TEAD1: variants seen among roughly 807,000 people sequenced by gnomAD.
TEAD1 encodes the protein transcriptional enhancer factor TEF-1.
TEAD1 carries 9 observed loss-of-function variants against 54.9 expected under a neutral mutation model. The observed-to-expected ratio is 0.16, with a 90% CI of 0.10 to 0.29. The LOEUF (loss-of-function observed/expected upper bound fraction) is 0.29, where lower values mean the gene tolerates loss of function less well. Among genes scored for constraint, TEAD1 ranks in the 10% least tolerant of loss-of-function variants. TEAD1 has a pLI of 1.00. For missense variants in TEAD1, 387 were observed against 535.9 expected, an observed-to-expected ratio of 0.72 and a Z score of 2.74; for synonymous variants, 200 against 187.8, an observed-to-expected ratio of 1.07 and a Z score of -0.53.
intron 12 of TEAD1, among the ~76,000 whole-genome samples, chr11:12,933,572 T>C (rs2134174391): frequency 6.6e-6 from 1 of 152,338 alleles, no homozygotes; most frequent in African/African-American, 2.4e-5. Flanking sequence ...ATGTCTTTTT[T>C]CGTCCCCAAA....
intron 2 of TEAD1, among the ~76,000 whole-genome samples, chr11:12,730,509 A>G (rs1247491671): frequency 7.6e-6 from 1 of 131,404 alleles, no homozygotes; most frequent in Non-Finnish European, 1.5e-5. Flanking sequence ...TAAAAACTTG[A>G]TTGAGAATTG....
At chr11:12,874,736 CT>C (rs1298148153) in intron 5 of TEAD1, among the ~76,000 whole-genome samples, 1 of 152,158 alleles carries the variant, frequency 6.6e-6, no homozygotes, top group Non-Finnish European at 1.5e-5. Flanking sequence ...AACCCATCCT[CT>C]TTCCCATCAA....
intron 2 of TEAD1, among the ~76,000 whole-genome samples, chr11:12,744,555 A>G (rs1346988687): frequency 6.6e-6 from 1 of 152,222 alleles, no homozygotes; most frequent in Non-Finnish European, 1.5e-5. Context: ...ATCAAAATGC[A>G]TGGGTAGCAC....
chr11:12,932,019 A>G (rs1025191885), intron 12 of TEAD1, among the ~76,000 whole-genome samples: 1 of 152,242 alleles, frequency 6.6e-6, no homozygotes, highest in African/African-American at 2.4e-5. Flanking sequence ...CAGAGTTTAT[A>G]GACACATGAT....
chr11:12,779,070 A>G (rs966241458), intron 3 of TEAD1, among the ~76,000 whole-genome samples: 1 of 152,258 alleles, frequency 6.6e-6, no homozygotes, highest in East Asian at 1.9e-4. Flanking sequence ...TGGACATAAT[A>G]TGTTTGTAAG....
intron 3 of TEAD1, among the ~76,000 whole-genome samples, chr11:12,775,417 A>G (rs1241169041): frequency 1.3e-5 from 2 of 152,140 alleles, no homozygotes; most frequent in Non-Finnish European, 2.9e-5. Flanking sequence ...CTCTGTTCTC[A>G]TCCCCACCGG....
intron 9 of TEAD1, among the ~76,000 whole-genome samples, chr11:12,885,438 C>T (rs536898016): frequency 9.7e-4 from 147 of 152,038 alleles, no homozygotes; most frequent in Middle Eastern, 3.4e-3. Flanking sequence ...GGGGTTTCAC[C>T]GTGTTAGCCA....
chr11:12,739,069 A>T (rs1944593102), intron 2 of TEAD1, among the ~76,000 whole-genome samples: 1 of 152,208 alleles, frequency 6.6e-6, no homozygotes, highest in Non-Finnish European at 1.5e-5. Flanking sequence ...GAAAGATACA[A>T]GGGGTGACTC....
chr11:12,802,514 A>G (rs1337603687), intron 3 of TEAD1, among the ~76,000 whole-genome samples: 2 of 152,074 alleles, frequency 1.3e-5, no homozygotes, highest in African/African-American at 4.8e-5. Flanking sequence ...CCGACCCTTC[A>G]CAGATAGTGT....
intron 2 of TEAD1, among the ~76,000 whole-genome samples, chr11:12,684,444 A>G (rs1010461362): frequency 1.3e-5 from 2 of 152,234 alleles, no homozygotes; most frequent in African/African-American, 4.8e-5. Context: ...TCATCTTTTC[A>G]TAGCAAAACA....
intron 5 of TEAD1, 132 bp downstream of exon 5, chr11:12,865,032 T>G: frequency 9.9e-7 from 1 of 1,007,230 alleles, no homozygotes; most frequent in South Asian, 1.3e-5. Flanking sequence ...TGTTTACATT[T>G]CTTTGTGTTT....
chr11:12,821,220 C>T (rs1946538522), intron 3 of TEAD1, among the ~76,000 whole-genome samples: 1 of 152,132 alleles, frequency 6.6e-6, no homozygotes, highest in African/African-American at 2.4e-5. Flanking sequence ...GTCTGAGATG[C>T]TCCTTTAGTA....
At chr11:12,725,898 G>A (rs1441156536) in intron 2 of TEAD1, among the ~76,000 whole-genome samples, 1 of 152,234 alleles carries the variant, frequency 6.6e-6, no homozygotes, top group East Asian at 1.9e-4. Context: ...TTCAGAGCCA[G>A]AAGGAACCAT....
chr11:12,881,492 A>G (rs1947965077), intron 7 of TEAD1, among the ~76,000 whole-genome samples: 1 of 152,224 alleles, frequency 6.6e-6, no homozygotes, highest in African/African-American at 2.4e-5. Flanking sequence ...AATAAGGGCT[A>G]TTTCGGGATA....
At chr11:12,888,948 G>A (rs182694683) in intron 9 of TEAD1, among the ~76,000 whole-genome samples, 2 of 152,190 alleles carry the variant, frequency 1.3e-5, no homozygotes, top group Admixed American at 6.5e-5. Flanking sequence ...GGGGATGATC[G>A]CCCCCTGCTG....
intron 2 of TEAD1, among the ~76,000 whole-genome samples, chr11:12,680,587 A>G (rs2133810091): frequency 6.6e-6 from 1 of 152,218 alleles, no homozygotes; most frequent in South Asian, 2.1e-4. Context: ...TCCATTTCTG[A>G]AGTTGACATC....
At chr11:12,931,960 G>C (rs113223188) in intron 12 of TEAD1, among the ~76,000 whole-genome samples, 4 of 152,168 alleles carry the variant, frequency 2.6e-5, no homozygotes, top group African/African-American at 9.7e-5. Context: ...GTGCAACCAG[G>C]TAGAGACCCA....
chr11:12,742,655 A>G (rs908964565), intron 2 of TEAD1, among the ~76,000 whole-genome samples: 6 of 152,224 alleles, frequency 3.9e-5, no homozygotes, highest in Non-Finnish European at 5.9e-5. Flanking sequence ...ATTCCACAAT[A>G]TATACATGTA....
chr11:12,787,798 G>A (rs1945710176), intron 3 of TEAD1, among the ~76,000 whole-genome samples: 1 of 152,004 alleles, frequency 6.6e-6, no homozygotes, highest in African/African-American at 2.4e-5. Context: ...GTTTTTTGGA[G>A]AAAAATACTG....
Sources: gnomAD v4.1 joint callset for allele counts (sites outside exome capture counted in the v4.1 genomes callset) on GRCh38, gnomAD v4.1.1 for gene constraint, MANE v1.5 for transcripts, NCBI Gene and HGNC (gene_info 2026-07-23, HGNC 2026-07-21) for gene names.